Variants in VSIG1 observed in about 807,000 individuals in gnomAD.
VSIG1 encodes V-set and immunoglobulin domain-containing protein 1.
Under a neutral mutation model 20.1 loss-of-function variants are expected in VSIG1, and 11 were observed. The observed-to-expected ratio is 0.55, with a 90% CI of 0.34 to 0.91. The LOEUF is 0.91. Ranked by LOEUF, VSIG1 falls within the 40% of genes least tolerant of loss-of-function variation. The pLI is 0.02. For missense variants in VSIG1, 283 were observed against 298.8 expected, an observed-to-expected ratio of 0.95 and a Z score of 0.39; for synonymous variants, 126 against 116.7, an observed-to-expected ratio of 1.08 and a Z score of -0.52.
intron 3 of VSIG1, among the ~76,000 whole-genome samples, chrX:108,071,832 G>A (rs768624989): frequency 2.0e-5 from 2 of 98,048 alleles, no homozygotes; most frequent in Non-Finnish European, 4.0e-5. Flanking sequence ...CCCTACTGAT[G>A]ATGCACACAG....
At position 108,075,557 on chromosome X, in the gene VSIG1, C is replaced by T. The variant is rs1433411600; in HGVS notation, c.689-520C>T. Among the ~76,000 whole-genome samples the T allele has an allele frequency of 2.7e-5, 3 of 111,438 alleles. No individual in the cohort carries two copies. The Admixed American group carries it at 2.9e-4, about 11-fold the overall frequency. ...AGACAACACCTCAGGGCTTGAAGGT[C>T]TGGTGCTCAGCTGGATAATGTCCCA... On this transcript the variant is annotated intron_variant, in intron 5 of 6. Coordinates refer to ENST00000217957, the MANE Select transcript of VSIG1 (RefSeq NM_182607.5).
chrX:108,056,676 G>T (rs769258725), intron 1 of VSIG1, among the ~76,000 whole-genome samples: 1 of 112,375 alleles, frequency 8.9e-6, no homozygotes, highest in Non-Finnish European at 1.9e-5. Context: ...TTAAAACCAC[G>T]ATGATTATAT....
chrX:108,026,057 A>T, the VSIG1 span, among the ~76,000 whole-genome samples: 2 of 112,217 alleles, frequency 1.8e-5, no homozygotes, highest in South Asian at 7.3e-4. Context: ...AATTTTCCCA[A>T]CAATGTTGTC....
chrX:108,053,100 G>A (rs1419574362), intron 1 of VSIG1, among the ~76,000 whole-genome samples: 2 of 111,677 alleles, frequency 1.8e-5, no homozygotes, highest in African/African-American at 3.3e-5. Context: ...CTCAGTTGAA[G>A]GAAAACAAAA....
the VSIG1 span, among the ~76,000 whole-genome samples, chrX:108,028,536 G>A: frequency 9.0e-6 from 1 of 111,289 alleles, no homozygotes; most frequent in Non-Finnish European, 1.9e-5. Context: ...AGAGAAGTGT[G>A]AGGGGGCTTG....
intron 3 of VSIG1, among the ~76,000 whole-genome samples, chrX:108,068,148 A>G (rs972864966): frequency 8.9e-6 from 1 of 112,291 alleles, no homozygotes; most frequent in Non-Finnish European, 1.9e-5. Flanking sequence ...AGGTAATGCC[A>G]CAAAGGAACC....
chrX:108,021,402 GTTGT>G, the VSIG1 span, among the ~76,000 whole-genome samples: 2 of 111,613 alleles, frequency 1.8e-5, no homozygotes, highest in Non-Finnish European at 3.8e-5. Flanking sequence ...TCTAAATTGG[GTTGT>G]TTGTCTTTTC....
intron 1 of VSIG1, among the ~76,000 whole-genome samples, chrX:108,052,107 C>A (rs1162730270): frequency 1.8e-5 from 2 of 111,187 alleles, no homozygotes; most frequent in Non-Finnish European, 3.8e-5. Flanking sequence ...ATGTGCATTT[C>A]AAAACTGCTA....
At position 108,076,165 on chromosome X, in the gene VSIG1, T is replaced by TAAGGCAAAAGCA. The variant is rs1555983285; in HGVS notation, c.788_799dup (p.Ala263_Lys266dup). Reference sequence around the variant, plus strand: ...TCTCTGTTGTGTGCTTCGCAAGGAATAAGGCAAAAGCAAAGGCAAAAGAAA... The same window carrying TAAGGCAAAAGCA: ...TCTCTGTTGTGTGCTTCGCAAGGAATAAGGCAAAAGCAAAGGCAAAAGCAAAGGCAAAAGAAA... On this transcript the variant is annotated inframe_insertion, in exon 6 of 7. Coordinates refer to ENST00000217957, the MANE Select transcript of VSIG1 (RefSeq NM_182607.5). The TAAGGCAAAAGCA allele has an allele frequency of 8.3e-7, 1 of 1,209,728 alleles. No homozygotes were observed. Among genetic ancestry groups the TAAGGCAAAAGCA allele is most frequent in the African/African-American group, 1.7e-5 (1 of 57,293 alleles).
At chrX:108,047,200 T>C (rs975045460) in intron 1 of VSIG1, among the ~76,000 whole-genome samples, 3 of 111,705 alleles carry the variant, frequency 2.7e-5, no homozygotes, top group African/African-American at 9.8e-5. Flanking sequence ...TAAATGTTTG[T>C]TGAAAGAATG....
At chrX:108,041,506 A>G (rs185586562), upstream of VSIG1, among the ~76,000 whole-genome samples, 769 of 110,868 alleles carry the variant, frequency 6.9e-3, 9 homozygotes, top group African/African-American at 0.024. Flanking sequence ...AAAGCAAATT[A>G]TAGAACAAAA....
At chrX:108,064,727 G>A in intron 2 of VSIG1, 1 of 753,323 alleles carries the variant, frequency 1.3e-6, no homozygotes, top group Non-Finnish European at 1.6e-6. Context: ...GGGAGGAGGG[G>A]AAGTGGCCAG....
At chrX:108,047,901 T>TAC (rs1445029223) in intron 1 of VSIG1, among the ~76,000 whole-genome samples, 4 of 33,335 alleles carry the variant, frequency 1.2e-4, no homozygotes, top group African/African-American at 9.5e-4. Context: ...CATATATATA[T>TAC]ATACACATAT....
At chrX:108,058,505 T>G (rs1312509398) in intron 2 of VSIG1, among the ~76,000 whole-genome samples, 1 of 112,011 alleles carries the variant, frequency 8.9e-6, no homozygotes, top group Non-Finnish European at 1.9e-5. Context: ...ATAGTAATTC[T>G]GAAAGGGCTC....
intron 2 of VSIG1, among the ~76,000 whole-genome samples, chrX:108,065,574 A>C (rs2031110685): frequency 8.9e-6 from 1 of 111,870 alleles, no homozygotes; most frequent in Admixed American, 9.5e-5. Flanking sequence ...TAATCCAGTG[A>C]TTTCCCAGCT....
At chrX:108,028,940 G>T in the VSIG1 span, among the ~76,000 whole-genome samples, 1 of 111,664 alleles carries the variant, frequency 9.0e-6, no homozygotes, top group Non-Finnish European at 1.9e-5. Context: ...AGCTTGGGTA[G>T]CCATTCACAA....
rs962219238 is a variant in VSIG1, at chrX:108,077,543, A to G, written c.*162A>G. The G allele has an allele frequency of 1.7e-6, 1 of 576,263 alleles. No homozygotes were observed. The highest frequency in any genetic ancestry group is 3.4e-5 in the East Asian group (1 of 29,328). The allele number at this position is 576,263 out of a possible 1,213,427, so 47.5% of individuals were successfully genotyped here. On this transcript the variant is annotated 3_prime_UTR_variant, in exon 7 of 7. Coordinates refer to ENST00000217957, the MANE Select transcript of VSIG1 (RefSeq NM_182607.5). ...AATCCAGAATAAACACGCCAAGATA[A>G]CAGCTAAATCAGCAAGGGTTCCTGT...
chrX:108,040,424 G>A (rs989725382), upstream of VSIG1, among the ~76,000 whole-genome samples: 7 of 112,160 alleles, frequency 6.2e-5, no homozygotes, highest in Non-Finnish European at 1.3e-4. Context: ...TTGCCAACAA[G>A]GCTGTGGAGA....
chrX:108,074,669 G>A (rs1417195371), intron 5 of VSIG1, among the ~76,000 whole-genome samples: 1 of 112,029 alleles, frequency 8.9e-6, no homozygotes, highest in East Asian at 2.8e-4. Flanking sequence ...AGAGCACCAA[G>A]GGAGGAAAAT....
Sources: gnomAD v4.1 joint callset for allele counts (sites outside exome capture counted in the v4.1 genomes callset) on GRCh38, gnomAD v4.1.1 for gene constraint, MANE v1.5 for transcripts, NCBI Gene and HGNC (gene_info 2026-07-23, HGNC 2026-07-21) for gene names.